The following ANKRD6 variants were observed in gnomAD, a reference collection of about 807,000 sequenced individuals.
ANKRD6 encodes ankyrin repeat domain 6, also known as ankyrin repeat domain-containing protein 6.
ANKRD6 carries 56 observed loss-of-function variants against 82.3 expected under a neutral mutation model. The ratio of observed to expected loss-of-function variants is 0.68; its 90% CI spans 0.55 to 0.85. The LOEUF is 0.85. Among genes scored for constraint, ANKRD6 ranks in the 40% least tolerant of loss-of-function variants. The pLI is 0.00. For missense variants in ANKRD6, 852 were observed against 907.6 expected, an observed-to-expected ratio of 0.94 and a Z score of 0.79; for synonymous variants, 347 against 352.1, an observed-to-expected ratio of 0.99 and a Z score of 0.16.
intron 5 of ANKRD6, among the ~76,000 whole-genome samples, chr6:89,610,271 A>G (rs887434005): frequency 3.9e-5 from 6 of 152,130 alleles, no homozygotes; most frequent in African/African-American, 1.4e-4. Context: ...GCAGGCCCCC[A>G]GTCACCCTCT....
intron 2 of ANKRD6, among the ~76,000 whole-genome samples, chr6:89,574,195 A>G (rs560939566): frequency 3.9e-5 from 6 of 152,210 alleles, no homozygotes; most frequent in Non-Finnish European, 5.9e-5. Context: ...CATCACTGAC[A>G]TTTTGGGCCA....
At chr6:89,536,145 C>T (rs1293119278) in intron 1 of ANKRD6, among the ~76,000 whole-genome samples, 1 of 152,176 alleles carries the variant, frequency 6.6e-6, no homozygotes, top group East Asian at 1.9e-4. Context: ...CATGATAATC[C>T]CTTGAACCTG....
chr6:89,510,704 C>G (rs1168843564), intron 1 of ANKRD6, among the ~76,000 whole-genome samples: 1 of 152,100 alleles, frequency 6.6e-6, no homozygotes, highest in Non-Finnish European at 1.5e-5. Context: ...CCCAATCTCC[C>G]CGGCCCTAGT....
chr6:89,539,422 C>T (rs1388975642), intron 1 of ANKRD6, among the ~76,000 whole-genome samples: 1 of 151,922 alleles, frequency 6.6e-6, no homozygotes, highest in Non-Finnish European at 1.5e-5. Flanking sequence ...TAGAAGAAAA[C>T]ATTAAAAATT....
chr6:89,619,243 G>A (rs977575520), intron 9 of ANKRD6, among the ~76,000 whole-genome samples: 22 of 152,250 alleles, frequency 1.4e-4, no homozygotes, highest in African/African-American at 3.9e-4. Context: ...AGCTTTTATC[G>A]TAAGTGGAAT....
intron 2 of ANKRD6, among the ~76,000 whole-genome samples, chr6:89,586,021 A>G (rs965279329): frequency 1.2e-4 from 18 of 152,360 alleles, no homozygotes; most frequent in Non-Finnish European, 2.5e-4. Flanking sequence ...AGAAAGCTGT[A>G]CTTTTTCATG....
chr6:89,588,994 CAA>C (rs34892881), intron 2 of ANKRD6, among the ~76,000 whole-genome samples: 4 of 48,310 alleles, frequency 8.3e-5, no homozygotes, highest in African/African-American at 1.8e-4. Flanking sequence ...GACTCTGTCT[CAA>C]AAAAAAAAAA....
intron 10 of ANKRD6, 107 bp from the exon 11 acceptor site, chr6:89,623,303 T>G: frequency 7.1e-7 from 1 of 1,398,746 alleles, no homozygotes; most frequent in Non-Finnish European, 9.5e-7. Context: ...GCAAAGGTTC[T>G]CGTGGGTCCC....
chr6:89,516,611 G>A (rs1781256307), intron 1 of ANKRD6, among the ~76,000 whole-genome samples: 1 of 152,030 alleles, frequency 6.6e-6, no homozygotes. Flanking sequence ...CAAGTATCTG[G>A]GTTTACAGGC....
At chr6:89,512,393 A>G (rs1053367603) in intron 1 of ANKRD6, among the ~76,000 whole-genome samples, 1 of 152,192 alleles carries the variant, frequency 6.6e-6, no homozygotes, top group Non-Finnish European at 1.5e-5. Flanking sequence ...ATTGCACTCT[A>G]TTCTCTCCAC....
intron 5 of ANKRD6, among the ~76,000 whole-genome samples, chr6:89,610,133 G>C (rs554947071): frequency 6.6e-6 from 1 of 152,126 alleles, no homozygotes; most frequent in African/African-American, 2.4e-5. Context: ...CTAATGTCAG[G>C]TTTTGAGATA....
chr6:89,477,902 A>G (rs1195646467), intron 1 of ANKRD6, among the ~76,000 whole-genome samples: 2 of 152,124 alleles, frequency 1.3e-5, no homozygotes, highest in Admixed American at 6.5e-5. Context: ...CCCCTATTAA[A>G]CGTGATAAAG....
chr6:89,560,366 G>A (rs755219530), intron 1 of ANKRD6, among the ~76,000 whole-genome samples: 25 of 152,204 alleles, frequency 1.6e-4, no homozygotes, highest in Non-Finnish European at 2.5e-4. Flanking sequence ...CTCAGAGTAC[G>A]TGTGCAAGCA....
At chr6:89,629,433 T>C (rs1463512191) in intron 15 of ANKRD6, 195 bp downstream of exon 15, 1 of 720,734 alleles carries the variant, frequency 1.4e-6, no homozygotes, top group African/African-American at 1.8e-5. Flanking sequence ...AAGCACTCAT[T>C]TATGTGCTCA....
chr6:89,534,537 G>C (rs1004725798), intron 1 of ANKRD6, among the ~76,000 whole-genome samples: 2 of 152,016 alleles, frequency 1.3e-5, no homozygotes, highest in African/African-American at 4.8e-5. Context: ...TTGTGGATAG[G>C]GTGATCATTT....
rs191400949 is a variant in ANKRD6, at chr6:89,629,558, G to A, written c.1612+320G>A. 379 of 371,266 alleles carry A rather than the reference G, an allele frequency of 1.0e-3. 8 individuals carry two copies. The highest frequency in any genetic ancestry group is 7.9e-3 in the South Asian group (347 of 44,192). The allele number at this position is 371,266 out of a possible 1,614,324, so 23.0% of individuals were successfully genotyped here. Reference sequence around the variant, plus strand: ...AGATGAGAGGTGATGAAGATCCATCGGTCTCCTCAGCAGGGCTCTTCCTCC... The same window carrying A: ...AGATGAGAGGTGATGAAGATCCATCAGTCTCCTCAGCAGGGCTCTTCCTCC... On this transcript the variant is annotated intron_variant, in intron 15 of 15. Coordinates refer to ENST00000339746, the MANE Select transcript of ANKRD6 (RefSeq NM_001242809.2).
chr6:89,554,876 T>C (rs887580618), intron 1 of ANKRD6, among the ~76,000 whole-genome samples: 10 of 152,334 alleles, frequency 6.6e-5, no homozygotes, highest in South Asian at 2.1e-4. Flanking sequence ...AAATGCATTT[T>C]AATAACTTCT....
rs780027184 is a variant in ANKRD6, at chr6:89,450,425, C to T, written c.-144+17050C>T. On this transcript the variant is annotated intron_variant, in intron 1 of 15. Coordinates refer to ENST00000339746, the MANE Select transcript of ANKRD6 (RefSeq NM_001242809.2). The stretch of plus-strand genomic sequence containing the variant: ...ATCACCCTGATCAGTCATCAGCCAC[C>T]GGGCTTGAGACAAGGCCCTCCACTA... Among the ~76,000 whole-genome samples, 19 of 152,306 alleles carry T rather than the reference C, an allele frequency of 1.2e-4. No individual in the cohort carries two copies. In the East Asian group the frequency reaches 1.7e-3, roughly 14 times the overall value.
rs1422446784 is a variant in ANKRD6 at position 89,485,251 on chromosome 6, G to A, written c.-144+51876G>A. The stretch of plus-strand genomic sequence containing the variant: ...ATCTAAAATAATGTGATGCCAATAC[G>A]CTCAGTGTCTGTCTCTCACATTTAG... On this transcript the variant is annotated intron_variant, in intron 1 of 15. Coordinates refer to ENST00000339746, the MANE Select transcript of ANKRD6 (RefSeq NM_001242809.2). 3.9e-5 allele frequency among the ~76,000 whole-genome samples: 6 copies of A among 152,164 alleles called. No homozygotes were observed. The South Asian group carries it at 6.2e-4, about 16-fold the overall frequency.
Sources: allele counts gnomAD v4.1 joint callset (sites outside exome capture counted in the v4.1 genomes callset), GRCh38; gene constraint gnomAD v4.1.1; transcripts MANE v1.5; gene names NCBI Gene and HGNC (gene_info 2026-07-23, HGNC 2026-07-21).